RNF17: variants seen among roughly 807,000 people sequenced by gnomAD.
RNF17 encodes the protein ring finger protein 17.
Under a neutral mutation model 200.5 loss-of-function variants are expected in RNF17, and 31 were observed. That is an observed-to-expected ratio of 0.15 (90% CI 0.12 to 0.21). The LOEUF (loss-of-function observed/expected upper bound fraction) is 0.21, where lower values mean the gene tolerates loss of function less well. RNF17 is among the 10% of genes least tolerant of loss of function. The pLI is 1.00. For synonymous variants in RNF17, 606 were observed against 637.8 expected (o/e 0.95, Z 0.75); for missense variants, 1,628 against 1,905.1 (o/e 0.85, Z 2.71).
At chr13:24,826,171 A>T in intron 16 of RNF17, 2 of 805,794 alleles carry the variant, frequency 2.5e-6, no homozygotes, top group Non-Finnish European at 3.0e-6. Context: ...CTTTCCTGGG[A>T]ATTATTGACT....
At chr13:24,761,186 C>T (rs535172044), upstream of RNF17, among the ~76,000 whole-genome samples, 1 of 152,022 alleles carries the variant, frequency 6.6e-6, no homozygotes, top group Non-Finnish European at 1.5e-5. Context: ...TGGTGTTATT[C>T]TATTAATCCC....
At chr13:24,872,536 C>CT (rs146813458) in intron 32 of RNF17, among the ~76,000 whole-genome samples, 63,105 of 151,150 alleles carry the variant, frequency 0.42, 13,399 homozygotes, top group South Asian at 0.56. Flanking sequence ...CATTGGTACA[C>CT]TTTTTTTTTA....
In RNF17 at chr13:24,792,367, A is replaced by G. The variant is rs142159081; in HGVS notation, c.936-675A>G. Among the ~76,000 whole-genome samples, 3 of 152,310 alleles carry G rather than the reference A, an allele frequency of 2.0e-5. No individual in the cohort carries two copies. In the East Asian group the frequency reaches 5.8e-4, roughly 29 times the overall value. ...CAGGTATTCAAACAGGTCAAGGACA[A>G]TACCCTGGAAGGATACTAAAATTTA... is the stretch of plus-strand genomic sequence containing the variant. On this transcript the variant is annotated intron_variant, in intron 9 of 35. Coordinates refer to ENST00000255324, the MANE Select transcript of RNF17 (RefSeq NM_031277.3).
At position 24,843,925 on chromosome 13, in the gene RNF17, G is replaced by A; in HGVS notation, c.2785G>A (p.Glu929Lys). The change falls in exon 20 of 36, where the codon GAG becomes AAG. Residue 929 changes from glutamate (E) to lysine (K), a missense_variant. This residue lies in a region of RNF17 where 227 missense variants were observed against 319.8 expected (regional missense o/e 0.71). Coordinates refer to ENST00000255324, the MANE Select transcript of RNF17 (RefSeq NM_031277.3). ...GCATATCTGTAATGTAATATCTCCT[G>A]AGAAGATTTATGTTCAGTGGTTGTT... ...PVHICNVISP[E>K]KIYVQWLLTE... 1 of 1,573,572 alleles carries A rather than the reference G, an allele frequency of 6.4e-7. No individual in the cohort carries two copies. The highest frequency in any genetic ancestry group is 8.6e-7 in the Non-Finnish European group (1 of 1,157,494).
intron 2 of RNF17, among the ~76,000 whole-genome samples, chr13:24,771,091 C>T (rs1880601605): frequency 6.6e-6 from 1 of 152,110 alleles, no homozygotes; most frequent in Non-Finnish European, 1.5e-5. Flanking sequence ...TTTAACAGCT[C>T]TTTTCAGATC....
chr13:24,804,221 C>T, intron 14 of RNF17, 67 bp from the exon 15 acceptor site: 1 of 1,440,854 alleles, frequency 6.9e-7, no homozygotes, highest in Non-Finnish European at 9.6e-7. Context: ...CATGATAGCA[C>T]CACTGCACTC....
intron 27 of RNF17, among the ~76,000 whole-genome samples, chr13:24,862,322 G>A (rs763073770): frequency 6.6e-6 from 1 of 152,172 alleles, no homozygotes; most frequent in Non-Finnish European, 1.5e-5. Flanking sequence ...CTCACCATGT[G>A]AACCTCTCAA....
chr13:24,752,430 C>T, the RNF17 span, among the ~76,000 whole-genome samples: 36 of 152,212 alleles, frequency 2.4e-4, no homozygotes, highest in African/African-American at 8.4e-4. Flanking sequence ...CATTCGCAGC[C>T]ACATGGAGAA....
At chr13:24,787,089 A>C (rs999443964) in intron 6 of RNF17, among the ~76,000 whole-genome samples, 1 of 151,974 alleles carries the variant, frequency 6.6e-6, no homozygotes, top group Non-Finnish European at 1.5e-5. Context: ...GCCTGTCCAA[A>C]TCTGCAGTAG....
chr13:24,868,927 T>G (rs1050827147), intron 31 of RNF17, among the ~76,000 whole-genome samples: 1 of 152,210 alleles, frequency 6.6e-6, no homozygotes, highest in African/African-American at 2.4e-5. Context: ...GTTCCTGGTG[T>G]TGTGCTGCTT....
At chr13:24,805,505 C>T (rs568665705) in intron 15 of RNF17, among the ~76,000 whole-genome samples, 1 of 152,230 alleles carries the variant, frequency 6.6e-6, no homozygotes, top group Admixed American at 6.5e-5. Flanking sequence ...TTTCAAGGTT[C>T]CTATTATGTA....
At chr13:24,775,565 A>C (rs1322798223) in intron 3 of RNF17, among the ~76,000 whole-genome samples, 1 of 152,172 alleles carries the variant, frequency 6.6e-6, no homozygotes, top group Non-Finnish European at 1.5e-5. Context: ...TTGATTCTTA[A>C]AAGTAGTGCA....
intron 18 of RNF17, among the ~76,000 whole-genome samples, chr13:24,839,793 T>C (rs1890414652): frequency 6.6e-6 from 1 of 152,174 alleles, no homozygotes; most frequent in African/African-American, 2.4e-5. Context: ...AAGATACCGT[T>C]GGAAAAACCT....
At chr13:24,886,289 C>T in the RNF17 span, 8 of 1,288,268 alleles carry the variant, frequency 6.2e-6, no homozygotes, top group East Asian at 3.3e-4. Context: ...AAAAGTGTAA[C>T]AGAGCTGGAT....
downstream of RNF17, among the ~76,000 whole-genome samples, chr13:24,881,373 T>C (rs1953809407): frequency 1.3e-5 from 2 of 151,992 alleles, no homozygotes; most frequent in Admixed American, 1.3e-4. Context: ...ACTCCTGACC[T>C]CAAGTGATCT....
chr13:24,812,340 C>T (rs980302408), intron 15 of RNF17, among the ~76,000 whole-genome samples: 7 of 151,898 alleles, frequency 4.6e-5, no homozygotes, highest in African/African-American at 1.4e-4. Flanking sequence ...GATATAATCT[C>T]CTGGCGCGCC....
chr13:24,877,374 C>T (rs1455584467), intron 34 of RNF17, among the ~76,000 whole-genome samples, 188 bp downstream of exon 34: 1 of 151,984 alleles, frequency 6.6e-6, no homozygotes, highest in African/African-American at 2.4e-5. Flanking sequence ...GTTAAAATGT[C>T]TTAGTTTATA....
intron 22 of RNF17, among the ~76,000 whole-genome samples, chr13:24,847,456 C>T (rs1891389357): frequency 6.6e-6 from 1 of 151,874 alleles, no homozygotes; most frequent in African/African-American, 2.4e-5. Context: ...AGCGATTCTC[C>T]CACCTCAGCC....
intron 23 of RNF17, among the ~76,000 whole-genome samples, chr13:24,850,649 T>C (rs1160022914): frequency 6.6e-6 from 1 of 152,230 alleles, no homozygotes; most frequent in Non-Finnish European, 1.5e-5. Flanking sequence ...ATTTAAATGT[T>C]TTATTACATT....
Sources: gnomAD v4.1 joint callset for allele counts (sites outside exome capture counted in the v4.1 genomes callset) on GRCh38, gnomAD v4.1.1 for gene constraint, gnomAD v4.1.1 regional missense constraint, MANE v1.5 for transcripts, NCBI Gene and HGNC (gene_info 2026-07-23, HGNC 2026-07-21) for gene names.